The following SHANK2 variants were observed in gnomAD, a reference collection of about 807,000 sequenced individuals.
SHANK2 encodes the protein SH3 and multiple ankyrin repeat domains protein 2.
A neutral mutation model predicts 133.7 loss-of-function variants in SHANK2; 43 were observed. The ratio of observed to expected loss-of-function variants is 0.32; its 90% confidence interval spans 0.25 to 0.41. The LOEUF (loss-of-function observed/expected upper bound fraction) is 0.41. Ranked by LOEUF, SHANK2 falls within the 10% of genes least tolerant of loss-of-function variation. The pLI is 1.00. For missense variants in SHANK2, 1,994 were observed against 2,235.8 expected (o/e 0.89, Z 2.18); for synonymous variants, 1,017 against 952.8 (o/e 1.07, Z -1.24).
At chr11:70,659,106 ATCAGATGTACTGGGGCC>A (rs1284373320) in intron 17 of SHANK2, among the ~76,000 whole-genome samples, 2 of 152,212 alleles carry the variant, frequency 1.3e-5, no homozygotes, top group Non-Finnish European at 2.9e-5. Context: ...AGGCGAGGTG[ATCAGATGTACTGGGGCC>A]TCCGAACCCC....
At chr11:70,754,064 G>A (rs558931400) in intron 14 of SHANK2, among the ~76,000 whole-genome samples, 89 of 152,236 alleles carry the variant, frequency 5.8e-4, no homozygotes, top group Middle Eastern at 3.4e-3. Context: ...CACCCACCTC[G>A]GCCTCCCGAA....
chr11:71,141,944 G>A (rs1258328106), intron 3 of SHANK2, among the ~76,000 whole-genome samples: 1 of 151,232 alleles, frequency 6.6e-6, no homozygotes, highest in Admixed American at 6.6e-5. Context: ...AAGAAAGACG[G>A]CATGCAAACC....
chr11:70,706,982 AAG>A (rs1175017361), intron 14 of SHANK2, among the ~76,000 whole-genome samples: 1 of 152,122 alleles, frequency 6.6e-6, no homozygotes, highest in Non-Finnish European at 1.5e-5. Context: ...AAAAGGAAAT[AAG>A]AGGATTTTTC....
intron 2 of SHANK2, among the ~76,000 whole-genome samples, chr11:71,208,619 G>C (rs1954182761): frequency 6.6e-6 from 1 of 151,986 alleles, no homozygotes; most frequent in South Asian, 2.1e-4. Context: ...GGCTGGCATA[G>C]CAAGGGAGAC....
chr11:70,564,164 G>C (rs1214488301), intron 17 of SHANK2, among the ~76,000 whole-genome samples: 1 of 151,912 alleles, frequency 6.6e-6, no homozygotes, highest in Non-Finnish European at 1.5e-5. Flanking sequence ...TCTTGTGCTT[G>C]GAGTCTATTG....
At chr11:70,506,498 G>A (rs1366065661) in intron 17 of SHANK2, among the ~76,000 whole-genome samples, 1 of 152,220 alleles carries the variant, frequency 6.6e-6, no homozygotes, top group Non-Finnish European at 1.5e-5. Context: ...GAAAGCTGAT[G>A]ACAAAGAGGC....
chr11:70,898,282 GCACACACACACACACACACA>G (rs71467421), intron 10 of SHANK2, among the ~76,000 whole-genome samples: 137 of 135,474 alleles, frequency 1.0e-3, no homozygotes, highest in African/African-American at 3.5e-3. Context: ...ATACACACAC[GCACACACACACACACACACA>G]CACACACACA....
intron 14 of SHANK2, among the ~76,000 whole-genome samples, chr11:70,699,564 C>G (rs1246364208): frequency 6.6e-6 from 1 of 152,208 alleles, no homozygotes; most frequent in Non-Finnish European, 1.5e-5. Context: ...AAAGTTTAAT[C>G]TAAACTCTGT....
At chr11:70,572,742 G>T (rs534016639) in intron 17 of SHANK2, among the ~76,000 whole-genome samples, 2 of 152,282 alleles carry the variant, frequency 1.3e-5, no homozygotes, top group South Asian at 4.1e-4. Context: ...TGAAAAAGAC[G>T]GCACACACCA....
chr11:70,539,976 C>G (rs977390554), intron 17 of SHANK2, among the ~76,000 whole-genome samples: 1 of 152,174 alleles, frequency 6.6e-6, no homozygotes, highest in Non-Finnish European at 1.5e-5. Context: ...CATCACCCCC[C>G]TCTGCCTCCA....
chr11:70,715,984 G>T (rs1227086527), intron 14 of SHANK2, among the ~76,000 whole-genome samples: 1 of 152,144 alleles, frequency 6.6e-6, no homozygotes, highest in African/African-American at 2.4e-5. Flanking sequence ...GCGTCTGGAG[G>T]GGCCTCACTC....
chr11:70,661,458 A>G (rs1241030792), intron 16 of SHANK2, 138 bp downstream of exon 16: 2 of 905,936 alleles, frequency 2.2e-6, no homozygotes, highest in Non-Finnish European at 3.4e-6. Flanking sequence ...TGCTTATTTA[A>G]TGCTTATTCC....
At chr11:71,218,524 A>T (rs922840379) in intron 2 of SHANK2, among the ~76,000 whole-genome samples, 7 of 152,018 alleles carry the variant, frequency 4.6e-5, no homozygotes, top group African/African-American at 1.7e-4. Context: ...CAGCCTCCCA[A>T]AGTGCTGGAA....
At chr11:70,903,676 C>G (rs1157011991) in intron 10 of SHANK2, among the ~76,000 whole-genome samples, 1 of 152,196 alleles carries the variant, frequency 6.6e-6, no homozygotes, top group Non-Finnish European at 1.5e-5. Flanking sequence ...GCCACATACT[C>G]TGTGCATGAC....
intron 14 of SHANK2, among the ~76,000 whole-genome samples, chr11:70,755,287 G>T (rs542732651): frequency 6.6e-6 from 1 of 152,326 alleles, no homozygotes; most frequent in African/African-American, 2.4e-5. Context: ...GGCCAGGCTG[G>T]TCTCGAACTC....
intron 1 of SHANK2, among the ~76,000 whole-genome samples, chr11:71,231,369 C>T (rs1399459727): frequency 6.6e-6 from 1 of 152,148 alleles, no homozygotes; most frequent in Non-Finnish European, 1.5e-5. Context: ...TGACCATACA[C>T]CTATCAAAAC....
chr11:70,852,620 G>A (rs576449992), intron 11 of SHANK2, among the ~76,000 whole-genome samples: 21 of 152,314 alleles, frequency 1.4e-4, no homozygotes, highest in Admixed American at 2.0e-4. Flanking sequence ...CAAGGTGGGC[G>A]GATCACGAGG....
intron 10 of SHANK2, among the ~76,000 whole-genome samples, chr11:70,951,559 T>C (rs1950842781): frequency 1.3e-5 from 2 of 151,380 alleles, no homozygotes; most frequent in South Asian, 4.2e-4. Context: ...TGCTGCGTGG[T>C]GACGTCATAA....
At chr11:70,824,176 C>G (rs1003692316) in intron 11 of SHANK2, among the ~76,000 whole-genome samples, 5 of 151,948 alleles carry the variant, frequency 3.3e-5, no homozygotes, top group Non-Finnish European at 7.4e-5. Context: ...TGACCCGGCG[C>G]ACCTTCCCCA....
Sources: gnomAD v4.1 joint callset for allele counts (sites outside exome capture counted in the v4.1 genomes callset) on GRCh38, gnomAD v4.1.1 for gene constraint, MANE v1.5 for transcripts, NCBI Gene and HGNC (gene_info 2026-07-23, HGNC 2026-07-21) for gene names.